HS2ST1: variants seen among roughly 807,000 people sequenced by gnomAD.
HS2ST1 encodes heparan sulfate 2-O-sulfotransferase 1.
In HS2ST1, 18 loss-of-function variants were observed where a neutral mutation model predicts 42.9. The observed-to-expected ratio is 0.42, with a 90% CI of 0.29 to 0.62. The LOEUF (loss-of-function observed/expected upper bound fraction) is 0.62, where lower values mean the gene tolerates loss of function less well. Among genes scored for constraint, HS2ST1 ranks in the 20% least tolerant of loss-of-function variants. The pLI is 0.21. For synonymous variants in HS2ST1, 146 were observed against 152.9 expected (o/e 0.95, Z 0.33); for missense variants, 334 against 433.8 (o/e 0.77, Z 2.04).
intron 1 of HS2ST1, among the ~76,000 whole-genome samples, chr1:86,939,138 G>A (rs1200100421): frequency 2.0e-5 from 3 of 152,060 alleles, no homozygotes; most frequent in Non-Finnish European, 4.4e-5. Context: ...TTCTCAGATA[G>A]CGATGAACCA....
chr1:86,926,454 C>T (rs901268631), intron 1 of HS2ST1, among the ~76,000 whole-genome samples: 8 of 152,162 alleles, frequency 5.3e-5, no homozygotes, highest in Admixed American at 3.9e-4. Context: ...TGTGCTATAG[C>T]CTAGAAACTC....
chr1:87,087,463 GC>G (rs1651842563), intron 3 of HS2ST1, among the ~76,000 whole-genome samples: 1 of 152,034 alleles, frequency 6.6e-6, no homozygotes, highest in South Asian at 2.1e-4. Flanking sequence ...TTTCATTGCT[GC>G]CATTTTGGTT....
chr1:87,107,490 TG>T lies in HS2ST1; in HGVS notation c.*2795del, dbSNP rs1329787324. ...ATAAATAGAACCACTGAGACAATAA[TG>T]TATTTTTTTAAAGTGGCAAATGTGG... On this transcript the variant is annotated 3_prime_UTR_variant, in exon 7 of 7. Coordinates refer to ENST00000370550, the MANE Select transcript of HS2ST1 (RefSeq NM_012262.4). The T allele has an allele frequency of 1.3e-5, 2 of 151,976 alleles. No homozygotes were observed. Among genetic ancestry groups the T allele is most frequent in the African/African-American group, 4.8e-5 (2 of 41,422 alleles). 9.4% of individuals were successfully genotyped at this position (151,976 alleles called of 1,614,324 possible).
chr1:86,988,287 G>A (rs1218733407), intron 1 of HS2ST1, among the ~76,000 whole-genome samples: 1 of 152,174 alleles, frequency 6.6e-6, no homozygotes, highest in Non-Finnish European at 1.5e-5. Flanking sequence ...CTATTGCCAT[G>A]TCTGGACTGC....
chr1:87,046,423 A>C lies in HS2ST1; in HGVS notation c.125-26511A>C, dbSNP rs1353286104. 6.8e-6 allele frequency: 6 copies of C among 886,362 alleles called. No homozygotes were observed. The African/African-American group carries it at 8.2e-5, about 12-fold the overall frequency. 54.9% of individuals were successfully genotyped at this position (886,362 alleles called of 1,614,324 possible). A position where few individuals can be genotyped will look rare whatever the true frequency, so the allele number is the denominator to read the frequency against. ...CTGGGAACCAACAGAAGCCAAAGCC[A>C]GAGCTAGAACATTCTAATAAAGAAG... On this transcript the variant is annotated intron_variant, in intron 1 of 6. Coordinates refer to ENST00000370550, the MANE Select transcript of HS2ST1 (RefSeq NM_012262.4).
At chr1:87,023,465 T>TAA (rs386367573) in intron 1 of HS2ST1, among the ~76,000 whole-genome samples, 98,143 of 146,418 alleles carry the variant, frequency 0.67, 34,573 homozygotes, top group East Asian at 0.92. Context: ...CAAGATATGT[T>TAA]AAAAAAAAAA....
chr1:87,084,619 A>G (rs1421246341), intron 3 of HS2ST1, among the ~76,000 whole-genome samples: 1 of 152,150 alleles, frequency 6.6e-6, no homozygotes, highest in African/African-American at 2.4e-5. Context: ...TTGAGAAAGC[A>G]AAAAAGCTCT....
chr1:87,092,788 G>T, intron 4 of HS2ST1, 119 bp downstream of exon 4: 2 of 548,640 alleles, frequency 3.6e-6, no homozygotes, highest in Non-Finnish European at 5.5e-6. Context: ...TGGAAATTTT[G>T]AAGAGAACCC....
chr1:86,972,173 C>A (rs902621357), intron 1 of HS2ST1, among the ~76,000 whole-genome samples: 2 of 152,050 alleles, frequency 1.3e-5, no homozygotes, highest in African/African-American at 2.4e-5. Context: ...TTTTAAAAAA[C>A]GTTTTGTGTT....
chr1:87,057,377 C>T (rs183018699), intron 1 of HS2ST1, among the ~76,000 whole-genome samples: 5 of 152,160 alleles, frequency 3.3e-5, no homozygotes, highest in East Asian at 3.9e-4. Flanking sequence ...GTGATTAAGA[C>T]ACTGTGATCT....
chr1:86,963,750 C>CCT (rs1222975638), intron 1 of HS2ST1, among the ~76,000 whole-genome samples: 1 of 149,386 alleles, frequency 6.7e-6, no homozygotes, highest in Non-Finnish European at 1.5e-5. Context: ...AGGCGCCCCC[C>CCT]CCCCCACCTC....
intron 1 of HS2ST1, among the ~76,000 whole-genome samples, chr1:86,995,590 A>T (rs578150470): frequency 6.6e-6 from 1 of 152,138 alleles, no homozygotes; most frequent in Admixed American, 6.5e-5. Flanking sequence ...TTTTCTATGC[A>T]TAAGAAATGA....
intron 1 of HS2ST1, among the ~76,000 whole-genome samples, chr1:86,991,546 A>T (rs2100560642): frequency 6.6e-6 from 1 of 152,350 alleles, no homozygotes; most frequent in East Asian, 1.9e-4. Flanking sequence ...GTTATAGTTC[A>T]CTATATCCAG....
intron 1 of HS2ST1, among the ~76,000 whole-genome samples, chr1:87,001,903 C>G (rs1489701298): frequency 1.3e-5 from 2 of 148,252 alleles, no homozygotes; most frequent in Non-Finnish European, 3.0e-5. Flanking sequence ...GTGAGCCACC[C>G]CCATGCCAGG....
At chr1:87,104,440 C>T (rs1652284674) in intron 6 of HS2ST1, 30 bp from the exon 7 acceptor site, 1 of 1,392,406 alleles carries the variant, frequency 7.2e-7, no homozygotes, top group African/African-American at 1.4e-5. Flanking sequence ...GAATTATTTA[C>T]CTTTCCTTTT....
At chr1:87,015,449 A>C (rs1464964180) in intron 1 of HS2ST1, among the ~76,000 whole-genome samples, 1 of 149,580 alleles carries the variant, frequency 6.7e-6, no homozygotes, top group African/African-American at 2.5e-5. Flanking sequence ...CCAGGTTCAC[A>C]CCATTATCCT....
chr1:87,006,644 T>G (rs1649443924), intron 1 of HS2ST1, among the ~76,000 whole-genome samples: 1 of 152,134 alleles, frequency 6.6e-6, no homozygotes, highest in Admixed American at 6.5e-5. Context: ...TATTGATCCA[T>G]TATACATGAA....
intron 1 of HS2ST1, among the ~76,000 whole-genome samples, chr1:87,039,856 AG>A (rs1411235636): frequency 6.6e-6 from 1 of 152,002 alleles, no homozygotes; most frequent in Non-Finnish European, 1.5e-5. Context: ...AAGAGATGGT[AG>A]CTGAAAAAGG....
chr1:87,097,934 T>C lies in HS2ST1; in HGVS notation c.685T>C (p.Trp229Arg). ...PFFCGHSSEC[W>R]NVGSRWAMDQ... is the part of the protein sequence containing the mutation. ...CTTCTGTGGCCATAGCTCCGAATGC[T>C]GGTAGGGGAGATAAAGTTGGCTCAG... is the stretch of plus-strand genomic sequence containing the variant. The change falls in exon 5 of 7, where the codon TGG (tryptophan) becomes CGG (arginine). Residue 229 changes from tryptophan to arginine, a missense_variant and splice_region_variant. Coordinates refer to ENST00000370550, the MANE Select transcript of HS2ST1 (RefSeq NM_012262.4). The C allele has an allele frequency of 1.2e-6, 2 of 1,613,954 alleles. No homozygotes were observed. Among genetic ancestry groups the C allele is most frequent in the Non-Finnish European group, 1.7e-6 (2 of 1,179,846 alleles).
Sources: allele counts gnomAD v4.1 joint callset (sites outside exome capture counted in the v4.1 genomes callset), GRCh38; gene constraint gnomAD v4.1.1; transcripts MANE v1.5; gene names NCBI Gene and HGNC (gene_info 2026-07-23, HGNC 2026-07-21).